The following NFKB1 variants were observed in gnomAD, a reference collection of about 807,000 sequenced individuals.
The protein encoded by NFKB1 is nuclear factor kappa B subunit 1.
In NFKB1, 9 loss-of-function variants were observed where a neutral mutation model predicts 105.1. The ratio of observed to expected loss-of-function variants is 0.09; its 90% CI spans 0.05 to 0.15. The LOEUF (loss-of-function observed/expected upper bound fraction) is 0.15, where lower values mean the gene tolerates loss of function less well. NFKB1 is among the 10% of genes least tolerant of loss of function. NFKB1 has a pLI of 1.00. For missense variants in NFKB1, 830 were observed against 1,203.7 expected (o/e 0.69, Z 4.59); for synonymous variants, 440 against 442.2 (o/e 1.00, Z 0.06).
chr4:102,606,482 C>CT lies in NFKB1; in HGVS notation c.1753-11dup, dbSNP rs779549474. 2.9e-5 allele frequency: 46 copies of CT among 1,613,086 alleles called. No individual in the cohort carries two copies. The highest frequency in any genetic ancestry group is 3.9e-5 in the Non-Finnish European group (46 of 1,179,624). On this transcript the variant is annotated splice_polypyrimidine_tract_variant and intron_variant, in intron 16 of 23. Coordinates refer to ENST00000226574, the MANE Select transcript of NFKB1 (RefSeq NM_003998.4). ...ACTGCTGACCAGTGAATCTCCTGCC[C>CT]TTTCACTTTCCAGACGCCCTTGCAC...
At chr4:102,550,410 A>G (rs1487824968) in intron 5 of NFKB1, among the ~76,000 whole-genome samples, 2 of 152,286 alleles carry the variant, frequency 1.3e-5, no homozygotes, top group African/African-American at 4.8e-5. Flanking sequence ...TACAAAATTG[A>G]TTATTTTAAA....
At position 102,613,701 on chromosome 4, in the gene NFKB1, T is replaced by C. The variant is rs1367285085; in HGVS notation, c.2749+120T>C. 31 of 1,174,424 alleles carry C rather than the reference T, an allele frequency of 2.6e-5. 1 individual carries two copies. The South Asian group carries it at 3.9e-4, about 15-fold the overall frequency. The allele number at this position is 1,174,424 out of a possible 1,614,324, so 72.8% of individuals were successfully genotyped here. A position where few individuals can be genotyped will look rare whatever the true frequency, so the allele number is the denominator to read the frequency against. ...CTCGTTTTCTGGATACACTTCCCTG[T>C]GTGTCTCTCTACCCCCTGGGCTCAC... is the stretch of plus-strand genomic sequence containing the variant. On this transcript the variant is annotated intron_variant, in intron 23 of 23. Coordinates refer to ENST00000226574, the MANE Select transcript of NFKB1 (RefSeq NM_003998.4).
intron 1 of NFKB1, among the ~76,000 whole-genome samples, chr4:102,510,123 C>A (rs1433851196): frequency 6.6e-6 from 1 of 152,104 alleles, no homozygotes; most frequent in Non-Finnish European, 1.5e-5. Flanking sequence ...ACTTCTAAAC[C>A]CTTAGGCCTG....
At chr4:102,610,280 T>G (rs529634733) in intron 19 of NFKB1, among the ~76,000 whole-genome samples, 21 of 152,370 alleles carry the variant, frequency 1.4e-4, no homozygotes, top group Non-Finnish European at 2.9e-4. Context: ...GATGCACTAT[T>G]CAGTTGAGAA....
intron 1 of NFKB1, among the ~76,000 whole-genome samples, chr4:102,518,896 G>A (rs1255563849): frequency 1.3e-5 from 2 of 152,192 alleles, no homozygotes; most frequent in African/African-American, 2.4e-5. Flanking sequence ...AAGAAAGCAA[G>A]AATGATCATT....
rs1728938812 is a variant in NFKB1 at position 102,616,354 on chromosome 4, C to G, written c.2750-80C>G. 4 of 1,505,318 alleles carry G rather than the reference C, an allele frequency of 2.7e-6. No individual in the cohort carries two copies. The Admixed American group carries it at 5.3e-5, about 20-fold the overall frequency. 93.2% of individuals were successfully genotyped at this position (1,505,318 alleles called of 1,614,324 possible). A position where few individuals can be genotyped will look rare whatever the true frequency, so the allele number is the denominator to read the frequency against. ...TGTGTGGCTGGCAGAAGCCAGTGGGCAAGAGTTGTCCACAGAATAGTCCAT... is the reference window on the plus strand; with the variant it reads ...TGTGTGGCTGGCAGAAGCCAGTGGGGAAGAGTTGTCCACAGAATAGTCCAT... On this transcript the variant is annotated intron_variant, in intron 23 of 23. Transcript: ENST00000226574.
At position 102,577,806 on chromosome 4, in the gene NFKB1, T is replaced by C. The variant is rs1275588009; in HGVS notation, c.571+767T>C. ...TCCAGCCATTCCGTGCTCTCTGGCATTCCACACTACATTCCATTTTCATTG... is the reference window on the plus strand; with the variant it reads ...TCCAGCCATTCCGTGCTCTCTGGCACTCCACACTACATTCCATTTTCATTG... On this transcript the variant is annotated intron_variant, in intron 7 of 23. Coordinates refer to ENST00000226574, the MANE Select transcript of NFKB1 (RefSeq NM_003998.4). 3 of 985,576 alleles carry C rather than the reference T, an allele frequency of 3.0e-6. No individual in the cohort carries two copies. In the African/African-American group the frequency reaches 5.2e-5, roughly 17 times the overall value. The allele number at this position is 985,576 out of a possible 1,614,324, so 61.1% of individuals were successfully genotyped here.
intron 23 of NFKB1, 26 bp from the exon 24 acceptor site, chr4:102,616,408 A>G (rs1485116306): frequency 1.2e-6 from 2 of 1,611,326 alleles, no homozygotes; most frequent in East Asian, 2.2e-5. Flanking sequence ...CCATTCCCCC[A>G]GTGAATTTGT....
intron 5 of NFKB1, among the ~76,000 whole-genome samples, chr4:102,557,948 A>G (rs905216346): frequency 6.6e-6 from 1 of 151,822 alleles, no homozygotes; most frequent in Non-Finnish European, 1.5e-5. Flanking sequence ...CCTGCCTCCA[A>G]TTTAGACCAG....
chr4:102,553,573 C>T (rs376327539), intron 5 of NFKB1, among the ~76,000 whole-genome samples: 335 of 152,182 alleles, frequency 2.2e-3, no homozygotes, highest in African/African-American at 7.6e-3. Context: ...TGTTCTACTT[C>T]CTCTAATTAT....
intron 19 of NFKB1, 63 bp downstream of exon 19, chr4:102,607,814 A>G (rs1460101183): frequency 3.6e-6 from 5 of 1,406,344 alleles, no homozygotes; most frequent in African/African-American, 1.4e-5. Flanking sequence ...CCCAACTTCA[A>G]TAGAGCAGTC....
At chr4:102,509,093 G>A (rs963451437) in intron 1 of NFKB1, among the ~76,000 whole-genome samples, 1 of 152,160 alleles carries the variant, frequency 6.6e-6, no homozygotes, top group African/African-American at 2.4e-5. Flanking sequence ...GAAGTCAGTT[G>A]CGATCAAGCA....
At chr4:102,510,706 G>A (rs1223287320) in intron 1 of NFKB1, among the ~76,000 whole-genome samples, 1 of 152,018 alleles carries the variant, frequency 6.6e-6, no homozygotes, top group Non-Finnish European at 1.5e-5. Flanking sequence ...TCAGTCTCTC[G>A]CATTCATATT....
At chr4:102,540,674 T>G (rs566648245) in intron 5 of NFKB1, among the ~76,000 whole-genome samples, 2 of 152,200 alleles carry the variant, frequency 1.3e-5, no homozygotes, top group Non-Finnish European at 2.9e-5. Flanking sequence ...TCACTGAAAA[T>G]TGAAATGGTT....
chr4:102,570,300 A>G (rs976638535), intron 6 of NFKB1, among the ~76,000 whole-genome samples: 1 of 152,232 alleles, frequency 6.6e-6, no homozygotes, highest in Non-Finnish European at 1.5e-5. Context: ...TACAAGTGAG[A>G]ACATGCAGTA....
chr4:102,504,932 A>G lies in NFKB1; in HGVS notation c.-8+3144A>G, dbSNP rs75376720. Among the ~76,000 whole-genome samples, 897 of 152,306 alleles carry G rather than the reference A, an allele frequency of 5.9e-3. 7 individuals carry two copies. The highest frequency in any genetic ancestry group is 0.021 in the African/African-American group (869 of 41,566). ...TGAAACCACATAATTTGGACAGTTA[A>G]TAGTTCTGGTAACATAACCAAGCCT... is the stretch of plus-strand genomic sequence containing the variant. On this transcript the variant is annotated intron_variant, in intron 1 of 23. Coordinates refer to ENST00000226574, the MANE Select transcript of NFKB1 (RefSeq NM_003998.4).
chr4:102,509,172 C>T (rs554339810), intron 1 of NFKB1, among the ~76,000 whole-genome samples: 1 of 152,344 alleles, frequency 6.6e-6, no homozygotes, highest in East Asian at 1.9e-4. Flanking sequence ...CATTTACTCA[C>T]TCTCATACCA....
chr4:102,550,488 T>C (rs1323173856), intron 5 of NFKB1, among the ~76,000 whole-genome samples: 1 of 152,094 alleles, frequency 6.6e-6, no homozygotes, highest in Non-Finnish European at 1.5e-5. Context: ...CTTCCCTCCC[T>C]CCCCTCATCC....
At chr4:102,585,666 G>A (rs1190065988) in intron 11 of NFKB1, among the ~76,000 whole-genome samples, 6 of 152,310 alleles carry the variant, frequency 3.9e-5, no homozygotes, top group East Asian at 1.9e-4. Context: ...AATAAGTACC[G>A]AAAGTGAAGC....
Sources: allele counts gnomAD v4.1 joint callset (sites outside exome capture counted in the v4.1 genomes callset), GRCh38; gene constraint gnomAD v4.1.1; transcripts MANE v1.5; gene names NCBI Gene and HGNC (gene_info 2026-07-23, HGNC 2026-07-21).